APBB2: variants seen among roughly 807,000 people sequenced by gnomAD.
APBB2 encodes amyloid beta precursor protein binding family B member 2.
A neutral mutation model predicts 82.5 loss-of-function variants in APBB2; 38 were observed. The observed-to-expected ratio is 0.46, with a 90% CI of 0.36 to 0.60. APBB2 has a LOEUF of 0.60. Ranked by LOEUF, APBB2 falls within the 20% of genes least tolerant of loss-of-function variation. APBB2 has a pLI of 0.00. For synonymous variants in APBB2, 341 were observed against 368.2 expected (o/e 0.93, Z 0.85); for missense variants, 772 against 972.3 (o/e 0.79, Z 2.74).
At chr4:41,025,303 TAAAG>T (rs1364352574) in intron 5 of APBB2, among the ~76,000 whole-genome samples, 5 of 151,890 alleles carry the variant, frequency 3.3e-5, no homozygotes, top group Non-Finnish European at 7.4e-5. Flanking sequence ...CGCTGATCAT[TAAAG>T]AATATGCAAA....
intron 10 of APBB2, among the ~76,000 whole-genome samples, chr4:40,919,076 G>A (rs1211909640): frequency 6.6e-6 from 1 of 152,204 alleles, no homozygotes; most frequent in Non-Finnish European, 1.5e-5. Flanking sequence ...GGAAAGGAAG[G>A]CTGGTAAGAT....
chr4:40,946,852 G>C (rs1788595115), intron 6 of APBB2, among the ~76,000 whole-genome samples: 1 of 152,180 alleles, frequency 6.6e-6, no homozygotes, highest in Non-Finnish European at 1.5e-5. Context: ...CATCACGTGC[G>C]CAGGCATCAC....
intron 4 of APBB2, among the ~76,000 whole-genome samples, chr4:41,044,003 T>G (rs1418620142): frequency 6.6e-6 from 1 of 152,230 alleles, no homozygotes; most frequent in Non-Finnish European, 1.5e-5. Flanking sequence ...GGTGGTATGA[T>G]CTTTCATCAG....
chr4:41,003,743 C>CTTTTGAGTTTCTTTTGA (rs1805865932), intron 6 of APBB2, among the ~76,000 whole-genome samples: 1 of 152,188 alleles, frequency 6.6e-6, no homozygotes, highest in Admixed American at 6.5e-5. Context: ...GACAGAGTCT[C>CTTTTGAGTTTCTTTTGA]GCTCTGTTGC....
chr4:41,024,941 T>C (rs1451144310), intron 5 of APBB2, among the ~76,000 whole-genome samples: 1 of 152,244 alleles, frequency 6.6e-6, no homozygotes, highest in Non-Finnish European at 1.5e-5. Context: ...ACTCCCTTTG[T>C]TCTGCCTCTG....
intron 4 of APBB2, among the ~76,000 whole-genome samples, chr4:41,043,304 T>A (rs1030910621): frequency 6.6e-6 from 1 of 152,218 alleles, no homozygotes; most frequent in African/African-American, 2.4e-5. Flanking sequence ...AATGGAATAC[T>A]ATGCATCACT....
chr4:41,149,338 A>G (rs1186210110), intron 1 of APBB2, among the ~76,000 whole-genome samples: 1 of 152,146 alleles, frequency 6.6e-6, no homozygotes, highest in African/African-American at 2.4e-5. Context: ...TAACATGCCA[A>G]AAGTCTGTCT....
chr4:40,971,345 T>C (rs1330227769), intron 6 of APBB2, among the ~76,000 whole-genome samples: 1 of 152,258 alleles, frequency 6.6e-6, no homozygotes, highest in East Asian at 1.9e-4. Flanking sequence ...TTTCCTCCAT[T>C]ACTTTTAAGC....
At chr4:41,144,049 A>T (rs1760001782) in intron 1 of APBB2, among the ~76,000 whole-genome samples, 1 of 152,278 alleles carries the variant, frequency 6.6e-6, no homozygotes, top group African/African-American at 2.4e-5. Context: ...GAAAGCAATT[A>T]GTGAACATTA....
At chr4:41,011,212 G>A (rs1295872844) in intron 6 of APBB2, among the ~76,000 whole-genome samples, 2 of 149,662 alleles carry the variant, frequency 1.3e-5, no homozygotes, top group African/African-American at 2.5e-5. Flanking sequence ...ATGGAGTCTC[G>A]CTCTGTTGCC....
chr4:41,033,210 T>A (rs374758684), intron 5 of APBB2, 26 bp downstream of exon 5: 1 of 1,463,620 alleles, frequency 6.8e-7, no homozygotes, highest in Admixed American at 1.7e-5. Context: ...CTTCTCTGCA[T>A]TGAAATATGA....
At chr4:41,105,811 G>A (rs780236230) in intron 2 of APBB2, among the ~76,000 whole-genome samples, 64 of 151,750 alleles carry the variant, frequency 4.2e-4, no homozygotes, top group Admixed American at 1.6e-3. Flanking sequence ...GCGTGAACCC[G>A]GGAGGCGGAG....
chr4:40,912,560 G>T (rs1380601997), intron 10 of APBB2, among the ~76,000 whole-genome samples: 2 of 146,384 alleles, frequency 1.4e-5, no homozygotes, highest in Admixed American at 1.4e-4. Flanking sequence ...CTGGCTGACA[G>T]AGCAAGATTC....
intron 6 of APBB2, among the ~76,000 whole-genome samples, chr4:41,011,873 T>C (rs1193246158): frequency 6.6e-6 from 1 of 152,224 alleles, no homozygotes; most frequent in East Asian, 1.9e-4. Flanking sequence ...AATACATTTA[T>C]GTTTTTTGAA....
At chr4:40,852,109 C>T (rs1176381107) in intron 12 of APBB2, among the ~76,000 whole-genome samples, 1 of 151,932 alleles carries the variant, frequency 6.6e-6, no homozygotes, top group Non-Finnish European at 1.5e-5. Context: ...CCTGTAATCC[C>T]AGCACTAAGG....
chr4:40,856,405 T>A (rs1761196785), intron 12 of APBB2, among the ~76,000 whole-genome samples: 1 of 152,258 alleles, frequency 6.6e-6, no homozygotes, highest in Admixed American at 6.5e-5. Flanking sequence ...ACACTACTTC[T>A]TTCTCAATGC....
intron 12 of APBB2, among the ~76,000 whole-genome samples, chr4:40,864,785 C>T (rs1011981174): frequency 9.9e-5 from 15 of 151,516 alleles, no homozygotes; most frequent in Middle Eastern, 3.2e-3. Context: ...CAGGGTGTAG[C>T]GAGGGTGAGC....
At chr4:40,893,554 T>C in intron 10 of APBB2, 143 bp from the exon 11 acceptor site, 1 of 718,606 alleles carries the variant, frequency 1.4e-6, no homozygotes, top group Non-Finnish European at 2.1e-6. Context: ...TCTAATTGAG[T>C]TAACAAATCC....
chr4:40,886,142 C>A (rs545314610), intron 12 of APBB2, among the ~76,000 whole-genome samples: 3 of 152,156 alleles, frequency 2.0e-5, no homozygotes, highest in African/African-American at 7.2e-5. Context: ...CCATCAACCA[C>A]GAGGCAAGAG....
Sources: gnomAD v4.1 joint callset for allele counts (sites outside exome capture counted in the v4.1 genomes callset) on GRCh38, gnomAD v4.1.1 for gene constraint, MANE v1.5 for transcripts, NCBI Gene and HGNC (gene_info 2026-07-23, HGNC 2026-07-21) for gene names.